Variants in ANKRD28 observed in about 807,000 individuals in gnomAD.
The protein encoded by ANKRD28 is serine/threonine-protein phosphatase 6 regulatory ankyrin repeat subunit A.
ANKRD28 carries 44 observed loss-of-function variants against 126.5 expected under a neutral mutation model. The ratio of observed to expected loss-of-function variants is 0.35; its 90% CI spans 0.27 to 0.45. ANKRD28 has a LOEUF of 0.45. ANKRD28 is among the 20% of genes least tolerant of loss of function. The probability of loss-of-function intolerance (pLI) is 1.00; values close to 1 mark genes in which losing one functional copy is unlikely to be tolerated. For missense variants in ANKRD28, 1,110 were observed against 1,316.6 expected, an observed-to-expected ratio of 0.84 and a Z score of 2.43; for synonymous variants, 442 against 468.5, an observed-to-expected ratio of 0.94 and a Z score of 0.73.
At chr3:15,678,503 G>C in intron 23 of ANKRD28, 149 bp from the exon 24 acceptor site, 1 of 579,178 alleles carries the variant, frequency 1.7e-6, no homozygotes, top group Non-Finnish European at 2.7e-6. Context: ...AGGCTCAATG[G>C]AGCTTACTAA....
chr3:15,738,011 G>A (rs183812786), intron 4 of ANKRD28, among the ~76,000 whole-genome samples: 48 of 151,914 alleles, frequency 3.2e-4, no homozygotes, highest in Middle Eastern at 6.8e-3. Flanking sequence ...TCCCAGAAGC[G>A]CATGGAAAAC....
chr3:15,704,336 C>G (rs151300045), intron 14 of ANKRD28, among the ~76,000 whole-genome samples: 1 of 151,944 alleles, frequency 6.6e-6, no homozygotes, highest in African/African-American at 2.4e-5. Flanking sequence ...ATTATTTACT[C>G]AAAGTGAGGA....
At chr3:15,799,793 C>A (rs537941025), upstream of ANKRD28, among the ~76,000 whole-genome samples, 34 of 152,082 alleles carry the variant, frequency 2.2e-4, 5 homozygotes, top group Admixed American at 9.8e-4. Flanking sequence ...TCTTTCCCAA[C>A]CAGAAAACAA....
At chr3:15,738,084 C>A (rs772188516) in intron 4 of ANKRD28, among the ~76,000 whole-genome samples, 4 of 152,100 alleles carry the variant, frequency 2.6e-5, no homozygotes, top group Non-Finnish European at 5.9e-5. Context: ...AGTATGCCAT[C>A]AACATTAAGC....
chr3:15,806,209 A>G (rs900273448), intron 1 of ANKRD28, among the ~76,000 whole-genome samples: 4 of 152,248 alleles, frequency 2.6e-5, no homozygotes. Context: ...CCATGCTTGT[A>G]ACAATGTTAA....
In ANKRD28 at chr3:15,815,893, GCAGCAAATAC is replaced by G. The variant is rs2060822964; in HGVS notation, c.28-20597_28-20588del. Among the ~76,000 whole-genome samples the G allele has an allele frequency of 2.6e-5, 4 of 152,056 alleles. No homozygotes were observed. The highest frequency in any genetic ancestry group is 9.7e-5 in the African/African-American group (4 of 41,402). On this transcript the variant is annotated intron_variant, in intron 1 of 27. Coordinates refer to the ANKRD28 transcript ENST00000399451. The surrounding 1 kb of genome is among the most constrained non-coding windows in gnomAD (Gnocchi z 4.1). ...AATAGAATTAGTCTGCCATATGGTGGCAGCAAATACCAAAGAAAATTAATTTCTTGAGTAC... is the reference window on the plus strand; with the variant it reads ...AATAGAATTAGTCTGCCATATGGTGGCAAAGAAAATTAATTTCTTGAGTAC...
chr3:15,811,074 C>G (rs1011257836), intron 1 of ANKRD28, among the ~76,000 whole-genome samples: 1 of 152,146 alleles, frequency 6.6e-6, no homozygotes, highest in Admixed American at 6.5e-5. Context: ...GTTTTTATGA[C>G]TTTATTTTTT....
intron 3 of ANKRD28, among the ~76,000 whole-genome samples, chr3:15,758,246 C>A (rs545805205): frequency 6.6e-6 from 1 of 152,290 alleles, no homozygotes; most frequent in South Asian, 2.1e-4. Flanking sequence ...ATCCCTCTTC[C>A]CAAACTGGAA....
chr3:15,772,426 CA>C (rs2059062714), intron 2 of ANKRD28, among the ~76,000 whole-genome samples: 1 of 151,812 alleles, frequency 6.6e-6, no homozygotes, highest in Non-Finnish European at 1.5e-5. Flanking sequence ...TTACAAAAAA[CA>C]AAAAAACCCA....
chr3:15,758,866 C>T (rs77459885), intron 3 of ANKRD28, among the ~76,000 whole-genome samples: 4,312 of 152,254 alleles, frequency 0.028, 82 homozygotes, highest in South Asian at 0.059. Flanking sequence ...AACATCAGAA[C>T]GGTGTTTTCT....
At chr3:15,804,776 A>G (rs1433557420) in intron 1 of ANKRD28, among the ~76,000 whole-genome samples, 2 of 145,454 alleles carry the variant, frequency 1.4e-5, no homozygotes, top group African/African-American at 5.1e-5. Flanking sequence ...TCAAAATGTC[A>G]TCTACAAAGA....
intron 13 of ANKRD28, among the ~76,000 whole-genome samples, chr3:15,709,311 G>T (rs1417401759): frequency 6.6e-6 from 1 of 152,152 alleles, no homozygotes; most frequent in Admixed American, 6.5e-5. Flanking sequence ...CTTGGAGAAA[G>T]GAGAACTGTA....
At chr3:15,813,842 G>A (rs961848877) in intron 1 of ANKRD28, among the ~76,000 whole-genome samples, 1 of 152,190 alleles carries the variant, frequency 6.6e-6, no homozygotes, top group South Asian at 2.1e-4. Context: ...TAACATGTAA[G>A]AGAATGAGCT....
At chr3:15,716,780 G>A (rs930294986) in intron 8 of ANKRD28, among the ~76,000 whole-genome samples, 1 of 152,098 alleles carries the variant, frequency 6.6e-6, no homozygotes, top group Non-Finnish European at 1.5e-5. Flanking sequence ...TGTATACATA[G>A]CACGTTTCAC....
At chr3:15,820,471 A>G (rs778060349) in intron 1 of ANKRD28, among the ~76,000 whole-genome samples, 1 of 152,230 alleles carries the variant, frequency 6.6e-6, no homozygotes, top group Non-Finnish European at 1.5e-5. Context: ...AGAACAAATG[A>G]CACAAGTTCT....
chr3:15,696,848 ATATGTAAAACCAC>A, intron 14 of ANKRD28, among the ~76,000 whole-genome samples: 1 of 152,304 alleles, frequency 6.6e-6, no homozygotes, highest in East Asian at 1.9e-4. Context: ...AAAAAACACT[ATATGTAAAACCAC>A]TATGGAAAAC....
chr3:15,779,472 G>C (rs183099356), intron 2 of ANKRD28, among the ~76,000 whole-genome samples: 23 of 152,262 alleles, frequency 1.5e-4, no homozygotes, highest in Admixed American at 1.4e-3. Flanking sequence ...TAAGCCACTA[G>C]GTAGAATTGA....
intron 2 of ANKRD28, among the ~76,000 whole-genome samples, chr3:15,767,083 A>C (rs1559497879): frequency 1.3e-5 from 2 of 152,216 alleles, no homozygotes; most frequent in Non-Finnish European, 2.9e-5. Flanking sequence ...TTTCATCTCC[A>C]AAATATATTC....
intron 21 of ANKRD28, among the ~76,000 whole-genome samples, chr3:15,682,147 G>C (rs1575121349): frequency 6.6e-6 from 1 of 152,102 alleles, no homozygotes; most frequent in East Asian, 1.9e-4. Flanking sequence ...ATGAAGAGAT[G>C]TACTACTCTT....
Sources: allele counts gnomAD v4.1 joint callset (sites outside exome capture counted in the v4.1 genomes callset), GRCh38; gene constraint gnomAD v4.1.1; non-coding constraint Gnocchi (gnomAD v3.1); transcripts MANE v1.5; gene names NCBI Gene and HGNC (gene_info 2026-07-23, HGNC 2026-07-21).